POLA1: variants seen among roughly 807,000 people sequenced by gnomAD.
POLA1 encodes the protein DNA polymerase alpha 1, catalytic subunit, also known as DNA polymerase alpha catalytic subunit.
In POLA1, 15 loss-of-function variants were observed where a neutral mutation model predicts 124.0. That is an observed-to-expected ratio of 0.12 (90% confidence interval 0.08 to 0.19). The LOEUF is 0.19. Ranked by LOEUF, POLA1 falls within the 10% of genes least tolerant of loss-of-function variation. The pLI, the probability that POLA1 is intolerant of heterozygous loss-of-function variation, is 1.00. For synonymous variants in POLA1, 408 were observed against 389.4 expected (o/e 1.05, Z -0.56); for missense variants, 886 against 1,103.4 (o/e 0.80, Z 2.79).
chrX:24,832,862 C>T (rs2046284934), intron 32 of POLA1, among the ~76,000 whole-genome samples: 2 of 111,862 alleles, frequency 1.8e-5, no homozygotes, highest in Admixed American at 9.5e-5. Flanking sequence ...ACAGTTTTTT[C>T]CAAAACCAGA....
chrX:24,758,419 T>C (rs950478450), intron 26 of POLA1, among the ~76,000 whole-genome samples: 6 of 112,007 alleles, frequency 5.4e-5, no homozygotes, highest in East Asian at 2.8e-4. Flanking sequence ...AACCTTATTC[T>C]TCTTTCTTAA....
At chrX:24,947,029 A>G (rs1444564381) in intron 36 of POLA1, among the ~76,000 whole-genome samples, 1 of 110,878 alleles carries the variant, frequency 9.0e-6, no homozygotes, top group South Asian at 3.9e-4. Context: ...CTGTGATATC[A>G]TGTATCTCCA....
chrX:24,788,332 T>A (rs1490814651), intron 26 of POLA1: 29 of 807,737 alleles, frequency 3.6e-5, no homozygotes, highest in African/African-American at 2.9e-4. Context: ...TTTTACTACT[T>A]CTTTTTTTTT....
chrX:24,726,013 T>A lies in POLA1; in HGVS notation c.1350T>A (p.Pro450=). The A allele has an allele frequency of 8.4e-7, 1 of 1,186,672 alleles. No homozygotes were observed. Among genetic ancestry groups the A allele is most frequent in the Non-Finnish European group, 1.1e-6 (1 of 874,330 alleles). ...PVEKNYAFEI[P]DVPEKSEYLE... is the part of the protein sequence containing the mutation. Reference sequence around the variant, plus strand: ...AAAAGAACTATGCTTTTGAGATACCTGATGTTCCAGAAAAATCTGAGTACT... The same window carrying A: ...AAAAGAACTATGCTTTTGAGATACCAGATGTTCCAGAAAAATCTGAGTACT... Residue 450 remains proline, a synonymous_variant, in exon 13 of 37, where the codon CCT becomes CCA. Coordinates refer to ENST00000379068, the MANE Select transcript of POLA1 (RefSeq NM_001330360.2).
intron 36 of POLA1, among the ~76,000 whole-genome samples, chrX:24,956,129 TA>T: frequency 9.3e-6 from 1 of 107,501 alleles, no homozygotes; most frequent in East Asian, 3.0e-4. Flanking sequence ...CCCCACCTCT[TA>T]AAAAAAATTA....
intron 26 of POLA1, among the ~76,000 whole-genome samples, chrX:24,752,581 T>C (rs1932377226): frequency 8.9e-6 from 1 of 111,969 alleles, no homozygotes; most frequent in South Asian, 3.7e-4. Context: ...ATGTCTGATG[T>C]GGTAATTGAA....
rs1380152573 is a variant in POLA1, at chrX:24,809,918, G to C, written c.2985G>C (p.Glu995Asp). 6 of 1,094,129 alleles carry C rather than the reference G, an allele frequency of 5.5e-6. No homozygotes were observed. Among genetic ancestry groups the C allele is most frequent in the Non-Finnish European group, 6.2e-6 (5 of 801,502 alleles). 90.2% of individuals were successfully genotyped at this position (1,094,129 alleles called of 1,213,427 possible). Reference protein sequence around the residue: ...KGREILMHTKEMVQKMNLEVI... With the variant: ...KGREILMHTKDMVQKMNLEVI... ...TTTAGATTTTGATGCATACGAAAGA[G>C]ATGGTACAAAAGGTAATGTTGAGCA... Residue 995 changes from glutamate (E) to aspartate (D), a missense_variant, in exon 27 of 37, where the codon GAG (glutamate) becomes GAC (aspartate). By Grantham distance (45) the Glu-to-Asp change is conservative. This residue lies in a region of POLA1 where 313 missense variants were observed against 359.7 expected (regional missense o/e 0.87). Coordinates refer to ENST00000379068, the MANE Select transcript of POLA1 (RefSeq NM_001330360.2).
At chrX:24,965,245 G>A (rs2048209158) in intron 36 of POLA1, among the ~76,000 whole-genome samples, 1 of 112,072 alleles carries the variant, frequency 8.9e-6, no homozygotes, top group Non-Finnish European at 1.9e-5. Context: ...ACAGTAACAT[G>A]CTGATACCAA....
intron 4 of POLA1, among the ~76,000 whole-genome samples, chrX:24,708,495 C>T (rs1369959422): frequency 1.4e-5 from 1 of 69,906 alleles, no homozygotes; most frequent in African/African-American, 5.5e-5. Context: ...AACAAGTGAA[C>T]AAAGGTCTCT....
intron 32 of POLA1, among the ~76,000 whole-genome samples, chrX:24,837,328 G>A (rs1447549651): frequency 6.3e-5 from 7 of 111,512 alleles, no homozygotes; most frequent in Non-Finnish European, 1.3e-4. Flanking sequence ...CAAGATTTTC[G>A]TATAAATGGT....
At chrX:24,908,383 C>T (rs2047397140) in intron 35 of POLA1, among the ~76,000 whole-genome samples, 1 of 67,020 alleles carries the variant, frequency 1.5e-5, no homozygotes, top group Non-Finnish European at 2.7e-5. Flanking sequence ...TGGTATCCCT[C>T]CCCCCTCCCC....
intron 24 of POLA1, among the ~76,000 whole-genome samples, chrX:24,747,796 G>A (rs1932099434): frequency 9.6e-6 from 1 of 103,768 alleles, no homozygotes; most frequent in Admixed American, 1.0e-4. Context: ...GTGCAGTGGC[G>A]AGATCTCCGC....
Position 24,800,264 on chromosome X carries a change from T to C in POLA1, c.2965-9634T>C, listed in dbSNP as rs143820315. ...ATTGGAGCATCCTCAATGGTACTTA[T>C]ATTTAAACAAATCAGAATTTCAAGT... is the stretch of plus-strand genomic sequence containing the variant. On this transcript the variant is annotated intron_variant, in intron 26 of 36. Coordinates refer to ENST00000379068, the MANE Select transcript of POLA1 (RefSeq NM_001330360.2). Among the ~76,000 whole-genome samples the C allele has an allele frequency of 1.4e-3, 153 of 112,250 alleles. 4 individuals carry two copies. The East Asian group carries it at 0.038, about 28-fold the overall frequency.
chrX:24,742,170 C>CG lies in POLA1; in HGVS notation c.2466+49_2466+50insG, dbSNP rs1183430401. The CG allele has an allele frequency of 1.1e-5, 8 of 752,900 alleles. No homozygotes were observed. In the African/African-American group the frequency reaches 1.7e-4, roughly 16 times the overall value. The allele number at this position is 752,900 out of a possible 1,213,427, so 62.0% of individuals were successfully genotyped here. A position where few individuals can be genotyped will look rare whatever the true frequency, so the allele number is the denominator to read the frequency against. ...TTTGTTTTCTCTTAACCCCCCCCCC[C>CG]CTTTTAATACCTAGATAGCCTTTTT... is the stretch of plus-strand genomic sequence containing the variant. On this transcript the variant is annotated intron_variant, in intron 22 of 36. Transcript: ENST00000379068.
At chrX:24,717,886 T>C (rs1432434577) in intron 10 of POLA1, 128 bp downstream of exon 10, 11 of 471,366 alleles carry the variant, frequency 2.3e-5, no homozygotes, top group Non-Finnish European at 3.7e-5. Context: ...GTTTTTTTTT[T>C]CTTTATCCTT....
chrX:24,869,712 G>C lies in POLA1; in HGVS notation c.4048-18294G>C, dbSNP rs776791825. ...GAATGATAGCATCTCAGAGCTCTTG[G>C]GGGCTGAGGTGGTGGCCTTCTGTCT... is the stretch of plus-strand genomic sequence containing the variant. On this transcript the variant is annotated intron_variant, in intron 34 of 36. Transcript: ENST00000379068. Among the ~76,000 whole-genome samples the C allele has an allele frequency of 2.7e-5, 3 of 111,641 alleles. No individual in the cohort carries two copies. In the South Asian group the frequency reaches 1.2e-3, roughly 43 times the overall value.
chrX:24,803,930 TAAAAAAAAAA>T (rs34721601), intron 26 of POLA1, among the ~76,000 whole-genome samples: 7 of 13,819 alleles, frequency 5.1e-4, no homozygotes, highest in Non-Finnish European at 6.0e-4. Flanking sequence ...ACCCTAGACT[TAAAAAAAAAA>T]AAAAAAAAAA....
intron 24 of POLA1, 117 bp downstream of exon 24, chrX:24,745,659 A>T (rs1476696541): frequency 2.1e-6 from 1 of 473,726 alleles, no homozygotes; most frequent in Admixed American, 3.9e-5. Flanking sequence ...CATATACTTC[A>T]CCTGTTTGAA....
At chrX:24,824,629 T>C (rs1270931494) in intron 31 of POLA1, among the ~76,000 whole-genome samples, 3 of 110,273 alleles carry the variant, frequency 2.7e-5, no homozygotes, top group Non-Finnish European at 5.7e-5. Flanking sequence ...TCTTAGGTCA[T>C]AGCCTAAATG....
Sources: allele counts gnomAD v4.1 joint callset (sites outside exome capture counted in the v4.1 genomes callset), GRCh38; gene constraint gnomAD v4.1.1; regional missense constraint gnomAD v4.1.1; transcripts MANE v1.5; gene names NCBI Gene and HGNC (gene_info 2026-07-23, HGNC 2026-07-21).